The following PAX6 variants were observed in gnomAD, a reference collection of about 807,000 sequenced individuals.
The protein encoded by PAX6 is paired box protein Pax-6.
A neutral mutation model predicts 60.7 loss-of-function variants in PAX6; 7 were observed. That is an observed-to-expected ratio of 0.12 (90% CI 0.07 to 0.22). The LOEUF (loss-of-function observed/expected upper bound fraction) is 0.22. Among genes scored for constraint, PAX6 ranks in the 10% least tolerant of loss-of-function variants. PAX6 has a pLI of 1.00. For synonymous variants in PAX6, 208 were observed against 201.2 expected (o/e 1.03, Z -0.29); for missense variants, 355 against 555.2 (o/e 0.64, Z 3.62).
intron 4 of PAX6, chr11:31,805,577 C>A (rs967171657): frequency 1.3e-5 from 2 of 152,646 alleles, no homozygotes; most frequent in African/African-American, 2.4e-5. Flanking sequence ...GGCCTGGTTT[C>A]GCTGGGCCTC....
chr11:31,790,137 T>C, intron 13 of PAX6, 118 bp from the exon 14 acceptor site: 1 of 720,328 alleles, frequency 1.4e-6, no homozygotes. Context: ...CTTTCTAACA[T>C]TTTTTACTGT....
Position 31,802,779 on chromosome 11 carries a change from C to T in PAX6, c.66G>A (p.Pro22=). ...GGVFVNGRPL[P]DSTRQKIVEL... Reference sequence around the variant, plus strand: ...CTACAATCTTCTGCCGGGTGGAGTCCGGCAGTGGCCGCCCGTTGACAAAGA... The same window carrying T: ...CTACAATCTTCTGCCGGGTGGAGTCTGGCAGTGGCCGCCCGTTGACAAAGA... Residue 22 remains proline (P), a synonymous_variant, in exon 5 of 14, where the codon CCG becomes CCA. Coordinates refer to ENST00000640368, the MANE Select transcript of PAX6 (RefSeq NM_001368894.2). 1 of 1,614,000 alleles carries T rather than the reference C, an allele frequency of 6.2e-7. No homozygotes were observed. The highest frequency in any genetic ancestry group is 8.5e-7 in the Non-Finnish European group (1 of 1,180,008).
At chr11:31,804,550 C>G (rs1393083864) in intron 4 of PAX6, 1 of 152,224 alleles carries the variant, frequency 6.6e-6, no homozygotes, top group Admixed American at 6.5e-5. Context: ...AGGGACTTTG[C>G]GGGGACACCG....
At chr11:31,815,577 G>C (rs1957340532), upstream of PAX6, among the ~76,000 whole-genome samples, 1 of 152,082 alleles carries the variant, frequency 6.6e-6, no homozygotes, top group Admixed American at 6.5e-5. Context: ...CCAGGGAACC[G>C]AAGCTAAGCG....
intron 8 of PAX6, among the ~76,000 whole-genome samples, chr11:31,797,818 T>A (rs1299014987): frequency 6.6e-6 from 1 of 152,144 alleles, no homozygotes; most frequent in African/African-American, 2.4e-5. Context: ...AATTAAGATA[T>A]CTTCTTCAAA....
In PAX6 at chr11:31,802,841, A is replaced by C; in HGVS notation, c.11-7T>G. The C allele has an allele frequency of 1.2e-6, 2 of 1,613,742 alleles. No homozygotes were observed. The highest frequency in any genetic ancestry group is 1.7e-6 in the Non-Finnish European group (2 of 1,179,848). ...TGATTCACTCCGCTGTGACCTGAGG[A>C]AAGGGAGAGGAGAGGAAAGGGGAAA... On this transcript the variant is annotated splice_region_variant and splice_polypyrimidine_tract_variant and intron_variant, in intron 4 of 13. Coordinates refer to ENST00000640368, the MANE Select transcript of PAX6 (RefSeq NM_001368894.2).
rs924206623 is a variant in PAX6 at position 31,796,645 on chromosome 11, CAGAGGGCGATGGAGGGAAAA to C, written c.566-1877_566-1858del. Among the ~76,000 whole-genome samples, 31 of 150,366 alleles carry C rather than the reference CAGAGGGCGATGGAGGGAAAA, an allele frequency of 2.1e-4. 1 individual carries two copies. The highest frequency in any genetic ancestry group is 3.4e-3 in the Middle Eastern group (1 of 294). ...TGGGGGGCCTGGGTTAGGGGAAAGACAGAGGGCGATGGAGGGAAAAAGAGGGCGATGGAGGGGAAAAGAAG... is the reference window on the plus strand; with the variant it reads ...TGGGGGGCCTGGGTTAGGGGAAAGACAGAGGGCGATGGAGGGGAAAAGAAG... On this transcript the variant is annotated intron_variant, in intron 8 of 13. Coordinates refer to ENST00000640368, the MANE Select transcript of PAX6 (RefSeq NM_001368894.2).
intron 13 of PAX6, chr11:31,790,272 CCT>C (rs1949464338): frequency 1.1e-5 from 6 of 536,236 alleles, no homozygotes; most frequent in Non-Finnish European, 1.8e-5. Context: ...AAAAAAAAAT[CCT>C]CTGTTTGTTT....
At chr11:31,799,050 A>G (rs967286008) in intron 8 of PAX6, among the ~76,000 whole-genome samples, 1 of 152,244 alleles carries the variant, frequency 6.6e-6, no homozygotes, top group South Asian at 2.1e-4. Flanking sequence ...GACTCTTGTC[A>G]GGGGAGGGAT....
chr11:31,791,244 A>C, intron 12 of PAX6: 1 of 363,334 alleles, frequency 2.8e-6, no homozygotes, highest in Non-Finnish European at 5.3e-6. Flanking sequence ...TTATTTGGGA[A>C]CCCTATGACC....
chr11:31,812,743 A>G (rs528128645), upstream of PAX6: 421 of 152,478 alleles, frequency 2.8e-3, 3 homozygotes, highest in African/African-American at 9.7e-3. Context: ...GGCGAGGGGG[A>G]ATAGGGCTGA....
intron 8 of PAX6, among the ~76,000 whole-genome samples, chr11:31,800,052 C>A (rs1023263150): frequency 1.3e-5 from 2 of 151,688 alleles, no homozygotes; most frequent in African/African-American, 4.8e-5. Flanking sequence ...CGGCTCCCGG[C>A]ATCCCGCCGT....
At chr11:31,791,527 C>T (rs898643939) in intron 12 of PAX6, 2 of 156,818 alleles carry the variant, frequency 1.3e-5, no homozygotes, top group African/African-American at 4.8e-5. Flanking sequence ...TTCGGAATGG[C>T]AGCACTGAGG....
At chr11:31,806,308 G>T in intron 4 of PAX6, 94 bp downstream of exon 4, 1 of 1,457,168 alleles carries the variant, frequency 6.9e-7, no homozygotes, top group Non-Finnish European at 9.4e-7. Flanking sequence ...CGGCGGCCGG[G>T]CCAGCGCGGG....
upstream of PAX6, among the ~76,000 whole-genome samples, chr11:31,813,393 G>GC (rs1303660159): frequency 2.9e-5 from 3 of 104,958 alleles, no homozygotes; most frequent in Admixed American, 1.1e-4. Context: ...GGGGGGCGGG[G>GC]GGGGGGGAAG....
intron 7 of PAX6, chr11:31,801,075 G>T (rs889608643): frequency 5.5e-6 from 4 of 732,044 alleles, no homozygotes; most frequent in African/African-American, 3.5e-5. Flanking sequence ...GGCGGAGGGG[G>T]TCCTTCACCA....
chr11:31,806,095 A>C, intron 4 of PAX6: 11 of 427,048 alleles, frequency 2.6e-5, no homozygotes, highest in East Asian at 1.6e-4. Context: ...GAGCCCGGGC[A>C]GGGGCGAGAG....
chr11:31,800,363 C>G (rs577777579), intron 8 of PAX6, among the ~76,000 whole-genome samples: 41 of 152,308 alleles, frequency 2.7e-4, no homozygotes, highest in Non-Finnish European at 5.4e-4. Context: ...CAAGGGGGCT[C>G]TCCCTGCATT....
In PAX6 at chr11:31,793,918, C is replaced by A. The variant is rs537827893; in HGVS notation, c.807+114G>T. 16 of 1,345,224 alleles carry A rather than the reference C, an allele frequency of 1.2e-5. No individual in the cohort carries two copies. In the East Asian group the frequency reaches 1.4e-4, roughly 12 times the overall value. The allele number at this position is 1,345,224 out of a possible 1,614,324, so 83.3% of individuals were successfully genotyped here. A position where few individuals can be genotyped will look rare whatever the true frequency, so the allele number is the denominator to read the frequency against. ...GCAGCAGAGCATTTAGCAGACTGAA[C>A]CTTTTTATTATATTAGTCCTATAAA... On this transcript the variant is annotated intron_variant, in intron 10 of 13. Transcript: ENST00000640368.
Sources: gnomAD v4.1 joint callset for allele counts (sites outside exome capture counted in the v4.1 genomes callset) on GRCh38, gnomAD v4.1.1 for gene constraint, MANE v1.5 for transcripts, NCBI Gene and HGNC (gene_info 2026-07-23, HGNC 2026-07-21) for gene names.